OSBPL1A: variants seen among roughly 807,000 people sequenced by gnomAD.
The protein encoded by OSBPL1A is oxysterol binding protein like 1A, also known as oxysterol-binding protein-related protein 1.
A neutral mutation model predicts 137.1 loss-of-function variants in OSBPL1A; 80 were observed. The ratio of observed to expected loss-of-function variants is 0.58; its 90% CI spans 0.49 to 0.70. The LOEUF is 0.70. Ranked by LOEUF, OSBPL1A falls within the 30% of genes least tolerant of loss-of-function variation. The pLI is 0.00. For synonymous variants in OSBPL1A, 365 were observed against 389.7 expected (o/e 0.94, Z 0.75); for missense variants, 970 against 1,129.4 (o/e 0.86, Z 2.02).
chr18:24,327,526 C>G (rs2091003729), intron 7 of OSBPL1A, among the ~76,000 whole-genome samples: 2 of 152,184 alleles, frequency 1.3e-5, no homozygotes, highest in Middle Eastern at 3.2e-3. Context: ...TCTCCTGCCT[C>G]AGCCTCCCAA....
Position 24,213,621 on chromosome 18 carries a change from T to C in OSBPL1A, c.1601+11421A>G, listed in dbSNP as rs575800041. Among the ~76,000 whole-genome samples, 61 of 152,312 alleles carry C rather than the reference T, an allele frequency of 4.0e-4. 1 individual carries two copies. Among genetic ancestry groups the C allele is most frequent in the African/African-American group, 1.4e-3 (59 of 41,560 alleles). On this transcript the variant is annotated intron_variant, in intron 17 of 27. Transcript: ENST00000319481. ...GTAATTATCTGATATTACTATTTAA[T>C]TTTGCTAATATTTCCATAACTTAAA... is the stretch of plus-strand genomic sequence containing the variant.
intron 7 of OSBPL1A, among the ~76,000 whole-genome samples, chr18:24,324,652 C>A (rs544680453): frequency 1.1e-4 from 16 of 141,610 alleles, no homozygotes; most frequent in African/African-American, 3.9e-4. Flanking sequence ...GGTGCGGTGG[C>A]GCATGCCTGT....
intron 17 of OSBPL1A, among the ~76,000 whole-genome samples, chr18:24,205,059 G>C (rs945604834): frequency 2.0e-5 from 3 of 152,186 alleles, no homozygotes; most frequent in Admixed American, 2.0e-4. Flanking sequence ...GTTTGCTCCA[G>C]TTTAGACTGT....
intron 18 of OSBPL1A, among the ~76,000 whole-genome samples, chr18:24,192,540 G>A (rs544016103): frequency 2.6e-5 from 4 of 152,160 alleles, no homozygotes; most frequent in Non-Finnish European, 5.9e-5. Context: ...ACATAATCCT[G>A]CTCAAAACAG....
chr18:24,249,782 C>T (rs569790914), intron 15 of OSBPL1A, among the ~76,000 whole-genome samples: 13 of 152,278 alleles, frequency 8.5e-5, no homozygotes, highest in African/African-American at 1.2e-4. Flanking sequence ...TCGTCACCCG[C>T]GGCCAAAGTC....
intron 15 of OSBPL1A, among the ~76,000 whole-genome samples, chr18:24,260,376 C>A (rs923968416): frequency 6.6e-6 from 1 of 152,182 alleles, no homozygotes; most frequent in Non-Finnish European, 1.5e-5. Flanking sequence ...CACAGCATTA[C>A]TATTTGCAAC....
chr18:24,353,052 C>A (rs567690500), intron 4 of OSBPL1A, among the ~76,000 whole-genome samples: 137 of 152,088 alleles, frequency 9.0e-4, no homozygotes, highest in African/African-American at 3.0e-3. Flanking sequence ...GCAACAAAAG[C>A]CAAAATTGAC....
chr18:24,394,363 T>C (rs780731039), intron 1 of OSBPL1A, among the ~76,000 whole-genome samples: 93 of 152,322 alleles, frequency 6.1e-4, no homozygotes, highest in Non-Finnish European at 1.2e-3. Context: ...ATAAGCTTCA[T>C]AGCTTTGCTT....
At chr18:24,284,068 A>G (rs2090019983) in intron 14 of OSBPL1A, among the ~76,000 whole-genome samples, 1 of 152,162 alleles carries the variant, frequency 6.6e-6, no homozygotes, top group Non-Finnish European at 1.5e-5. Flanking sequence ...TTGACAAGCT[A>G]ATGTTAAAAC....
intron 15 of OSBPL1A, among the ~76,000 whole-genome samples, chr18:24,251,664 A>G (rs1359858711): frequency 6.6e-6 from 1 of 152,208 alleles, no homozygotes; most frequent in Non-Finnish European, 1.5e-5. Flanking sequence ...ATGCCCAGAC[A>G]CCAAAGAACA....
chr18:24,167,551 C>T (rs1163128619), intron 24 of OSBPL1A, 106 bp from the exon 25 acceptor site: 1 of 910,924 alleles, frequency 1.1e-6, no homozygotes, highest in Non-Finnish European at 1.8e-6. Context: ...AATATGATGG[C>T]AGTCCCCTAA....
intron 2 of OSBPL1A, among the ~76,000 whole-genome samples, chr18:24,372,427 C>T (rs1247705926): frequency 1.3e-5 from 2 of 152,174 alleles, no homozygotes; most frequent in African/African-American, 4.8e-5. Flanking sequence ...AAGGGTTCCT[C>T]AATGCTCAGA....
intron 18 of OSBPL1A, among the ~76,000 whole-genome samples, chr18:24,188,567 T>C (rs576314598): frequency 6.6e-6 from 1 of 152,294 alleles, no homozygotes; most frequent in South Asian, 2.1e-4. Context: ...TAACTCAGAA[T>C]GAACGCATTC....
intron 15 of OSBPL1A, among the ~76,000 whole-genome samples, chr18:24,241,826 CAT>C (rs1209452355): frequency 6.6e-6 from 1 of 152,138 alleles, no homozygotes; most frequent in Non-Finnish European, 1.5e-5. Flanking sequence ...CACATGCACA[CAT>C]ATGTTTATTG....
chr18:24,302,977 T>TTG (rs56746838), intron 14 of OSBPL1A, among the ~76,000 whole-genome samples: 54,954 of 149,908 alleles, frequency 0.37, 10,660 homozygotes, highest in Non-Finnish European at 0.43. Context: ...AAGACATTCT[T>TTG]TGTGTGTGTG....
At chr18:24,379,249 G>A (rs188990053) in intron 1 of OSBPL1A, among the ~76,000 whole-genome samples, 16 of 152,336 alleles carry the variant, frequency 1.1e-4, no homozygotes, top group African/African-American at 3.8e-4. Context: ...GCCAGGCACA[G>A]TGGCTCATGC....
intron 21 of OSBPL1A, among the ~76,000 whole-genome samples, chr18:24,177,054 A>C (rs111265915): frequency 1.3e-5 from 2 of 152,158 alleles, no homozygotes; most frequent in African/African-American, 4.8e-5. Flanking sequence ...AAAAGAAAGA[A>C]AAACAAGTAA....
At chr18:24,359,359 A>T (rs1370981953) in intron 4 of OSBPL1A, among the ~76,000 whole-genome samples, 1 of 151,842 alleles carries the variant, frequency 6.6e-6, no homozygotes, top group Non-Finnish European at 1.5e-5. Context: ...TGTAGCTGGG[A>T]TTATAGGTGT....
chr18:24,213,207 C>T (rs546712884), intron 17 of OSBPL1A, among the ~76,000 whole-genome samples: 1 of 152,256 alleles, frequency 6.6e-6, no homozygotes, highest in South Asian at 2.1e-4. Context: ...TAAGGCTAGT[C>T]ATATACCTTT....
Sources: gnomAD v4.1 joint callset for allele counts (sites outside exome capture counted in the v4.1 genomes callset) on GRCh38, gnomAD v4.1.1 for gene constraint, MANE v1.5 for transcripts, NCBI Gene and HGNC (gene_info 2026-07-23, HGNC 2026-07-21) for gene names.